The following ADAM12 variants were observed in gnomAD, a reference collection of about 807,000 sequenced individuals.
ADAM12 encodes the protein disintegrin and metalloproteinase domain-containing protein 12.
In ADAM12, 70 loss-of-function variants were observed where a neutral mutation model predicts 106.4. The observed-to-expected ratio is 0.66, with a 90% CI of 0.54 to 0.80. The LOEUF (loss-of-function observed/expected upper bound fraction) is 0.80, where lower values mean the gene tolerates loss of function less well. ADAM12 is among the 30% of genes least tolerant of loss of function. The pLI is 0.00. For synonymous variants in ADAM12, 420 were observed against 433.5 expected, an observed-to-expected ratio of 0.97 and a Z score of 0.39; for missense variants, 1,010 against 1,171.9, an observed-to-expected ratio of 0.86 and a Z score of 2.02.
At chr10:126,174,039 GAT>G (rs1191130550) in intron 3 of ADAM12, among the ~76,000 whole-genome samples, 4 of 78,030 alleles carry the variant, frequency 5.1e-5, no homozygotes, top group African/African-American at 8.2e-5. Flanking sequence ...TTTTTTTTGA[GAT>G]AGAGTCTCAC....
chr10:126,027,988 C>G (rs539654737), intron 21 of ADAM12, among the ~76,000 whole-genome samples: 2 of 152,300 alleles, frequency 1.3e-5, no homozygotes, highest in South Asian at 2.1e-4. Flanking sequence ...GCAATTTCAA[C>G]AAAGTCTCAG....
intron 11 of ADAM12, among the ~76,000 whole-genome samples, chr10:126,084,190 A>T (rs1955290196): frequency 6.6e-6 from 1 of 152,230 alleles, no homozygotes; most frequent in African/African-American, 2.4e-5. Flanking sequence ...TAAAGTCACC[A>T]ACTGAGCTCT....
chr10:126,040,286 G>C (rs556457513), intron 18 of ADAM12, among the ~76,000 whole-genome samples: 2 of 152,306 alleles, frequency 1.3e-5, no homozygotes. Context: ...CAGGGATCTT[G>C]ATTCATTTGT....
At chr10:126,082,364 T>G (rs28663156) in intron 11 of ADAM12, among the ~76,000 whole-genome samples, 8 of 24,324 alleles carry the variant, frequency 3.3e-4, no homozygotes, top group East Asian at 2.8e-3. Context: ...CTAATGACTG[T>G]TTTTTTTTTT....
chr10:126,318,562 A>ACTCACACACT (rs59473224), intron 2 of ADAM12, among the ~76,000 whole-genome samples: 26 of 150,918 alleles, frequency 1.7e-4, no homozygotes, highest in South Asian at 6.3e-4. Flanking sequence ...TCACATTCAC[A>ACTCACACACT]CTCACACACT....
chr10:126,226,122 T>G (rs921773258), intron 3 of ADAM12, among the ~76,000 whole-genome samples: 3 of 138,906 alleles, frequency 2.2e-5, no homozygotes, highest in Non-Finnish European at 4.5e-5. Flanking sequence ...ATGGTACAGA[T>G]GGGTTAAAGG....
chr10:126,141,599 T>C (rs1318348712), intron 4 of ADAM12, among the ~76,000 whole-genome samples: 2 of 152,288 alleles, frequency 1.3e-5, no homozygotes, highest in East Asian at 3.9e-4. Context: ...AAGAGGAAGA[T>C]GGAATAAGAA....
intron 21 of ADAM12, among the ~76,000 whole-genome samples, chr10:126,034,276 CAT>C (rs139313237): frequency 0.021 from 3,168 of 152,244 alleles, 108 homozygotes; most frequent in African/African-American, 0.07. Context: ...CATAATTACA[CAT>C]GTTACTTCCA....
chr10:126,242,046 G>C (rs1351081544), intron 3 of ADAM12, among the ~76,000 whole-genome samples: 2 of 150,092 alleles, frequency 1.3e-5, no homozygotes, highest in African/African-American at 4.9e-5. Flanking sequence ...CCCATTATAT[G>C]AATCACTCTG....
chr10:126,294,761 T>C (rs1960294682), intron 2 of ADAM12, among the ~76,000 whole-genome samples: 1 of 152,200 alleles, frequency 6.6e-6, no homozygotes, highest in Admixed American at 6.5e-5. Flanking sequence ...TTTCTAGAGA[T>C]ATCATGTCAT....
chr10:126,269,988 G>A (rs1959168029), intron 3 of ADAM12, among the ~76,000 whole-genome samples: 1 of 152,198 alleles, frequency 6.6e-6, no homozygotes, highest in South Asian at 2.1e-4. Context: ...TTCAAAGAAT[G>A]AAATGAGGGG....
chr10:126,026,082 G>A (rs1953867475), intron 21 of ADAM12, among the ~76,000 whole-genome samples: 1 of 152,062 alleles, frequency 6.6e-6, no homozygotes, highest in Non-Finnish European at 1.5e-5. Flanking sequence ...AGACCCATTG[G>A]TGTGCTGTCT....
At chr10:126,159,139 C>T (rs1334904574) in intron 3 of ADAM12, among the ~76,000 whole-genome samples, 1 of 151,926 alleles carries the variant, frequency 6.6e-6, no homozygotes, top group Non-Finnish European at 1.5e-5. Context: ...GAAACCCCGT[C>T]TCTACTAAAA....
At chr10:126,104,663 G>A (rs144739023) in intron 8 of ADAM12, among the ~76,000 whole-genome samples, 70 of 152,110 alleles carry the variant, frequency 4.6e-4, no homozygotes, top group African/African-American at 1.5e-3. Context: ...ATGAGGACCC[G>A]GGGAAAATTC....
intron 4 of ADAM12, among the ~76,000 whole-genome samples, chr10:126,147,189 A>T (rs1045410789): frequency 6.6e-6 from 1 of 152,252 alleles, no homozygotes; most frequent in African/African-American, 2.4e-5. Flanking sequence ...CCAGTGAGAA[A>T]CATATACCAC....
intron 3 of ADAM12, among the ~76,000 whole-genome samples, chr10:126,236,778 C>T (rs145043666): frequency 5.3e-5 from 8 of 152,074 alleles, no homozygotes; most frequent in East Asian, 3.9e-4. Context: ...AAGGAGCACC[C>T]GCAGGAAGGA....
At chr10:126,116,795 C>T (rs1955991565) in intron 6 of ADAM12, among the ~76,000 whole-genome samples, 1 of 152,068 alleles carries the variant, frequency 6.6e-6, no homozygotes, top group African/African-American at 2.4e-5. Context: ...CCGATAAGAG[C>T]AGTTTTAGGG....
At chr10:126,165,959 TC>T (rs1202002687) in intron 3 of ADAM12, among the ~76,000 whole-genome samples, 1 of 152,190 alleles carries the variant, frequency 6.6e-6, no homozygotes, top group East Asian at 1.9e-4. Flanking sequence ...ACTAAAAGAT[TC>T]AAAATGATCA....
chr10:126,321,198 A>C (rs1590777906), intron 2 of ADAM12, among the ~76,000 whole-genome samples: 1 of 152,338 alleles, frequency 6.6e-6, no homozygotes, highest in East Asian at 1.9e-4. Flanking sequence ...CATAAAAAGC[A>C]TTACTCAGGA....
Sources: gnomAD v4.1 joint callset for allele counts (sites outside exome capture counted in the v4.1 genomes callset) on GRCh38, gnomAD v4.1.1 for gene constraint, MANE v1.5 for transcripts, NCBI Gene and HGNC (gene_info 2026-07-23, HGNC 2026-07-21) for gene names.